THSD4: variants seen among roughly 807,000 people sequenced by gnomAD.
THSD4 encodes thrombospondin type 1 domain containing 4.
In THSD4, 69 loss-of-function variants were observed where a neutral mutation model predicts 119.0. That is an observed-to-expected ratio of 0.58 (90% CI 0.48 to 0.71). The LOEUF is 0.71. THSD4 is among the 30% of genes least tolerant of loss of function. THSD4 has a pLI of 0.00. For synonymous variants in THSD4, 524 were observed against 540.4 expected (o/e 0.97, Z 0.42); for missense variants, 1,393 against 1,391.1 (o/e 1.00, Z -0.02).
At position 71,590,024 on chromosome 15, in the gene THSD4, C is replaced by A. The variant is rs1395216306; in HGVS notation, c.1153-70506C>A. Among the ~76,000 whole-genome samples, 13 of 139,254 alleles carry A rather than the reference C, an allele frequency of 9.3e-5. 2 individuals are homozygous for A. Among genetic ancestry groups the A allele is most frequent in the African/African-American group, 3.3e-4 (13 of 39,846 alleles). 91.4% of individuals were successfully genotyped at this position (139,254 alleles called of 152,430 possible). ...ACAATACCATCAATCATTTCTAGAT[C>A]TGTGCATATCAGTAGGAATATAAAT... On this transcript the variant is annotated intron_variant, in intron 7 of 17. Coordinates refer to ENST00000261862, the MANE Select transcript of THSD4 (RefSeq NM_024817.3).
intron 7 of THSD4, among the ~76,000 whole-genome samples, chr15:71,601,878 G>C (rs1414533043): frequency 1.3e-5 from 2 of 152,248 alleles, no homozygotes; most frequent in Non-Finnish European, 2.9e-5. Context: ...ACACAAGTTT[G>C]ATTAGCCTGG....
At chr15:71,440,921 T>C (rs1029406895) in intron 7 of THSD4, among the ~76,000 whole-genome samples, 1 of 152,212 alleles carries the variant, frequency 6.6e-6, no homozygotes, top group Non-Finnish European at 1.5e-5. Context: ...AGTGAACTGC[T>C]CTTCAGACTC....
chr15:71,335,588 G>A (rs2045479939), intron 6 of THSD4, among the ~76,000 whole-genome samples: 1 of 152,104 alleles, frequency 6.6e-6, no homozygotes, highest in African/African-American at 2.4e-5. Context: ...TCACGGGTGC[G>A]AGAGAAGGGT....
chr15:71,394,809 C>T (rs933560662), intron 6 of THSD4, among the ~76,000 whole-genome samples: 6 of 152,164 alleles, frequency 3.9e-5, no homozygotes, highest in African/African-American at 9.7e-5. Context: ...TACAATTTGG[C>T]GTTTATACAG....
intron 2 of THSD4, among the ~76,000 whole-genome samples, chr15:71,149,811 A>G (rs528657674): frequency 5.2e-4 from 79 of 152,186 alleles, no homozygotes; most frequent in African/African-American, 1.9e-3. Flanking sequence ...ATCCACCCTC[A>G]CTGCAGCTGA....
intron 3 of THSD4, among the ~76,000 whole-genome samples, chr15:71,214,119 G>A (rs1266184510): frequency 6.6e-6 from 1 of 152,184 alleles, no homozygotes; most frequent in African/African-American, 2.4e-5. Context: ...AGCACTCTGT[G>A]TATAGCTAGA....
In THSD4 at chr15:71,297,323, TG is replaced by T. The variant is rs1380043033; in HGVS notation, c.1015+40609del. On this transcript the variant is annotated intron_variant, in intron 6 of 17. Coordinates refer to ENST00000261862, the MANE Select transcript of THSD4 (RefSeq NM_024817.3). ...TCCTTTGCTCTCCTCTTCTTTTTTT[TG>T]TTTGTTTGTTTGTTTGTTTGTTTGT... is the stretch of plus-strand genomic sequence containing the variant. Among the ~76,000 whole-genome samples the T allele has an allele frequency of 1.2e-3, 174 of 142,748 alleles. 1 individual carries two copies. The highest frequency in any genetic ancestry group is 1.8e-3 in the Non-Finnish European group (117 of 65,326). The allele number at this position is 142,748 out of a possible 152,430, so 93.6% of individuals were successfully genotyped here.
chr15:71,318,265 C>G (rs1177218659), intron 6 of THSD4, among the ~76,000 whole-genome samples: 1 of 152,126 alleles, frequency 6.6e-6, no homozygotes, highest in Non-Finnish European at 1.5e-5. Flanking sequence ...TCACCACAGA[C>G]TAGGAGAGAG....
At chr15:71,767,663 A>C (rs2053737245) in intron 16 of THSD4, 1 of 152,236 alleles carries the variant, frequency 6.6e-6, no homozygotes, top group African/African-American at 2.4e-5. Flanking sequence ...TTGAATTGGA[A>C]GTGTCAGTAT....
chr15:71,689,037 G>A (rs1352068047), intron 8 of THSD4, among the ~76,000 whole-genome samples: 1 of 152,108 alleles, frequency 6.6e-6, no homozygotes, highest in Non-Finnish European at 1.5e-5. Flanking sequence ...CAAGAGCCAG[G>A]GATCCCCACA....
intron 7 of THSD4, among the ~76,000 whole-genome samples, chr15:71,497,669 A>G (rs967519137): frequency 1.3e-5 from 2 of 152,162 alleles, no homozygotes; most frequent in Admixed American, 1.3e-4. Flanking sequence ...TTTAAGAACG[A>G]CTTTCCCTGT....
chr15:71,653,708 T>G (rs781701975), intron 7 of THSD4, among the ~76,000 whole-genome samples: 2 of 152,242 alleles, frequency 1.3e-5, no homozygotes, highest in Admixed American at 6.5e-5. Context: ...CTTCTCATTT[T>G]GCATAGTGGA....
intron 3 of THSD4, among the ~76,000 whole-genome samples, chr15:71,172,710 T>TATGTGAC (rs1451235867): frequency 8.7e-6 from 1 of 115,042 alleles, no homozygotes; most frequent in Non-Finnish European, 1.7e-5. Context: ...TATATATATA[T>TATGTGAC]ATATATATAT....
chr15:71,114,064 A>C (rs1044239646), upstream of THSD4, among the ~76,000 whole-genome samples: 13 of 152,112 alleles, frequency 8.5e-5, no homozygotes, highest in African/African-American at 2.9e-4. Context: ...CTCCCATCAA[A>C]ATCTGTTTGA....
intron 7 of THSD4, among the ~76,000 whole-genome samples, chr15:71,485,986 T>C (rs911211208): frequency 1.3e-5 from 2 of 152,198 alleles, no homozygotes; most frequent in Non-Finnish European, 2.9e-5. Flanking sequence ...AATATCCTTT[T>C]TTAGAAAATA....
intron 7 of THSD4, among the ~76,000 whole-genome samples, chr15:71,651,931 C>T (rs1371256339): frequency 6.6e-6 from 1 of 152,184 alleles, no homozygotes; most frequent in African/African-American, 2.4e-5. Flanking sequence ...AAGGAAATGA[C>T]AAAGATGCCG....
chr15:71,387,374 G>A (rs1181113335), intron 6 of THSD4, among the ~76,000 whole-genome samples: 2 of 152,132 alleles, frequency 1.3e-5, no homozygotes, highest in African/African-American at 4.8e-5. Flanking sequence ...CTTACACGGG[G>A]TTTCACTGTA....
chr15:71,739,502 A>G (rs1322414590), intron 11 of THSD4, among the ~76,000 whole-genome samples: 1 of 152,192 alleles, frequency 6.6e-6, no homozygotes, highest in Non-Finnish European at 1.5e-5. Context: ...CTCCAAAGTT[A>G]AGATACATGT....
At chr15:71,677,560 T>A (rs968346294) in intron 8 of THSD4, among the ~76,000 whole-genome samples, 3 of 152,244 alleles carry the variant, frequency 2.0e-5, no homozygotes, top group Non-Finnish European at 2.9e-5. Flanking sequence ...AGCTCTGATG[T>A]CCTTGCATCT....
Sources: gnomAD v4.1 joint callset for allele counts (sites outside exome capture counted in the v4.1 genomes callset) on GRCh38, gnomAD v4.1.1 for gene constraint, MANE v1.5 for transcripts, NCBI Gene and HGNC (gene_info 2026-07-23, HGNC 2026-07-21) for gene names.